The following AGBL4 variants were observed in gnomAD, a reference collection of about 807,000 sequenced individuals.
AGBL4 encodes cytosolic carboxypeptidase 6.
AGBL4 carries 58 observed loss-of-function variants against 66.4 expected under a neutral mutation model. The ratio of observed to expected loss-of-function variants is 0.87; its 90% CI spans 0.71 to 1.09. The LOEUF (loss-of-function observed/expected upper bound fraction) is 1.09, where lower values mean the gene tolerates loss of function less well. Among genes scored for constraint, AGBL4 ranks in the 50% least tolerant of loss-of-function variants. AGBL4 has a pLI of 0.00. For synonymous variants in AGBL4, 234 were observed against 222.9 expected (o/e 1.05, Z -0.44); for missense variants, 579 against 631.0 (o/e 0.92, Z 0.88).
At chr1:49,243,412 C>A (rs936016718) in intron 4 of AGBL4, among the ~76,000 whole-genome samples, 2 of 151,576 alleles carry the variant, frequency 1.3e-5, no homozygotes, top group Non-Finnish European at 3.0e-5. Flanking sequence ...CCTTATCAAA[C>A]CCTGGGAACA....
intron 6 of AGBL4, among the ~76,000 whole-genome samples, chr1:48,833,343 T>C (rs1282653804): frequency 6.6e-6 from 1 of 152,220 alleles, no homozygotes; most frequent in African/African-American, 2.4e-5. Flanking sequence ...TTGGCTGAAC[T>C]GTGTTCTAGT....
At chr1:49,563,920 C>G (rs1212104110) in intron 3 of AGBL4, among the ~76,000 whole-genome samples, 1 of 152,164 alleles carries the variant, frequency 6.6e-6, no homozygotes, top group African/African-American at 2.4e-5. Flanking sequence ...TAGAATTTGG[C>G]TGTGAATCCA....
At chr1:50,006,359 TAGAG>T (rs902328565) in intron 1 of AGBL4, among the ~76,000 whole-genome samples, 1 of 135,694 alleles carries the variant, frequency 7.4e-6, no homozygotes, top group Non-Finnish European at 1.6e-5. Context: ...AAAAAGGAGG[TAGAG>T]AGAGAGAGGA....
At chr1:49,562,170 G>C (rs1211839935) in intron 3 of AGBL4, among the ~76,000 whole-genome samples, 1 of 151,962 alleles carries the variant, frequency 6.6e-6, no homozygotes, top group Non-Finnish European at 1.5e-5. Context: ...TTTTTTTCTT[G>C]TAAATGTGTT....
intron 3 of AGBL4, among the ~76,000 whole-genome samples, chr1:49,553,647 T>C (rs921004872): frequency 2.0e-5 from 3 of 152,280 alleles, no homozygotes; most frequent in Admixed American, 2.0e-4. Flanking sequence ...TGTTTTATAC[T>C]TAAAAAGTTA....
intron 6 of AGBL4, among the ~76,000 whole-genome samples, chr1:48,744,774 G>C (rs1570461964): frequency 6.6e-6 from 1 of 152,094 alleles, no homozygotes; most frequent in Non-Finnish European, 1.5e-5. Context: ...CCTCCATAAG[G>C]CCCAGAACAA....
intron 4 of AGBL4, among the ~76,000 whole-genome samples, chr1:49,049,546 C>T (rs1352226048): frequency 4.6e-5 from 7 of 151,820 alleles, no homozygotes; most frequent in Admixed American, 6.6e-5. Context: ...TGGCATAGAG[C>T]GGTCTCAAGC....
chr1:48,687,813 G>T lies in AGBL4; in HGVS notation c.635-24572C>A, dbSNP rs139696445. 4.3e-3 allele frequency among the ~76,000 whole-genome samples: 648 copies of T among 152,280 alleles called. 4 individuals are homozygous for T. Among genetic ancestry groups the T allele is most frequent in the African/African-American group, 0.015 (607 of 41,552 alleles). ...CCTCGGCTGGCACTCCTGCCTTCAG[G>T]TCCTGCTCCTGCAGACCTATCCGCA... is the stretch of plus-strand genomic sequence containing the variant. On this transcript the variant is annotated intron_variant, in intron 6 of 13. Transcript: ENST00000371839.
intron 1 of AGBL4, among the ~76,000 whole-genome samples, chr1:49,976,250 G>T (rs981661419): frequency 3.3e-5 from 5 of 151,936 alleles, no homozygotes; most frequent in African/African-American, 4.8e-5. Context: ...GTCTTCCCAG[G>T]TCATCTTTTC....
chr1:48,729,455 C>T (rs1647742112), intron 6 of AGBL4, among the ~76,000 whole-genome samples: 1 of 152,096 alleles, frequency 6.6e-6, no homozygotes, highest in Non-Finnish European at 1.5e-5. Context: ...GACAATTCAA[C>T]CTTGAGGAAT....
At chr1:48,551,608 CAG>C (rs1475997058) in intron 11 of AGBL4, among the ~76,000 whole-genome samples, 1 of 152,032 alleles carries the variant, frequency 6.6e-6, no homozygotes. Context: ...AAGAAAAGAA[CAG>C]AGAGACAGAG....
At chr1:48,581,313 T>A (rs1644736771) in intron 11 of AGBL4, among the ~76,000 whole-genome samples, 1 of 152,156 alleles carries the variant, frequency 6.6e-6, no homozygotes, top group Non-Finnish European at 1.5e-5. Flanking sequence ...TATCTCAGCA[T>A]CTTCTCTTGA....
At chr1:49,948,460 GATAAATAT>G (rs1381546642) in intron 1 of AGBL4, among the ~76,000 whole-genome samples, 9 of 97,314 alleles carry the variant, frequency 9.2e-5, no homozygotes, top group African/African-American at 3.3e-4. Context: ...TATAAATATA[GATAAATAT>G]ATAAATATAT....
At chr1:48,904,441 T>C (rs1451538844) in intron 5 of AGBL4, among the ~76,000 whole-genome samples, 2 of 152,124 alleles carry the variant, frequency 1.3e-5, no homozygotes, top group African/African-American at 2.4e-5. Flanking sequence ...ATAAAGCGAG[T>C]AGCATGTCAA....
At chr1:49,144,449 G>A (rs1478661705) in intron 4 of AGBL4, among the ~76,000 whole-genome samples, 1 of 151,176 alleles carries the variant, frequency 6.6e-6, no homozygotes, top group African/African-American at 2.4e-5. Context: ...AAAGGAAATG[G>A]AGGGGAGGGG....
At chr1:49,738,168 G>A (rs542620465) in intron 2 of AGBL4, among the ~76,000 whole-genome samples, 8 of 152,320 alleles carry the variant, frequency 5.3e-5, no homozygotes, top group South Asian at 2.1e-4. Flanking sequence ...CAAGGACAGC[G>A]GTGACTGAAG....
intron 3 of AGBL4, among the ~76,000 whole-genome samples, chr1:49,489,160 G>T (rs1647133777): frequency 6.6e-6 from 1 of 151,716 alleles, no homozygotes; most frequent in Admixed American, 6.6e-5. Context: ...CAGTGTATGA[G>T]GGCTCCCCCT....
Position 48,539,712 on chromosome 1 carries a change from T to C in AGBL4, c.1294A>G (p.Arg432Gly). 1 of 1,544,128 alleles carries C rather than the reference T, an allele frequency of 6.5e-7. No homozygotes were observed. The highest frequency in any genetic ancestry group is 2.5e-5 in the East Asian group (1 of 40,612). The change falls in exon 12 of 14, where the codon AGA (arginine) becomes GGA (glycine). Residue 432 changes from arginine (R) to glycine (G), a missense_variant. By Grantham distance (125) the Arg-to-Gly change is moderately radical (BLOSUM62 -2). Coordinates refer to ENST00000371839, the MANE Select transcript of AGBL4 (RefSeq NM_032785.4). ...AYMKLGRNVA[R>G]TFLDYYRLNP... Reference sequence around the variant, plus strand: ...AGCCGATAATAGTCCAAAAAGGTTCTTGCCACATTCCGCCCCAGCTTCATA... The same window carrying C: ...AGCCGATAATAGTCCAAAAAGGTTCCTGCCACATTCCGCCCCAGCTTCATA...
intron 3 of AGBL4, chr1:49,374,473 A>G (rs1308584918): frequency 6.6e-6 from 1 of 152,122 alleles, no homozygotes; most frequent in African/African-American, 2.4e-5. Flanking sequence ...AAATGCTCCT[A>G]GACTTGCTTC....
Sources: gnomAD v4.1 joint callset for allele counts (sites outside exome capture counted in the v4.1 genomes callset) on GRCh38, gnomAD v4.1.1 for gene constraint, MANE v1.5 for transcripts, NCBI Gene and HGNC (gene_info 2026-07-23, HGNC 2026-07-21) for gene names.